The following FAM219A variants were observed in gnomAD, a reference collection of about 807,000 sequenced individuals.
The protein encoded by FAM219A is family with sequence similarity 219 member A.
FAM219A carries 7 observed loss-of-function variants against 23.4 expected under a neutral mutation model. That is an observed-to-expected ratio of 0.30 (90% CI 0.17 to 0.56). FAM219A has a LOEUF of 0.56. Ranked by LOEUF, FAM219A falls within the 20% of genes least tolerant of loss-of-function variation. The pLI is 0.92. For missense variants in FAM219A, 166 were observed against 246.9 expected (o/e 0.67, Z 2.20); for synonymous variants, 93 against 99.0 (o/e 0.94, Z 0.36).
At chr9:34,449,928 A>G (rs1823500981) in intron 1 of FAM219A, among the ~76,000 whole-genome samples, 1 of 152,198 alleles carries the variant, frequency 6.6e-6, no homozygotes, top group Non-Finnish European at 1.5e-5. Flanking sequence ...TATTCCTAAC[A>G]GAATACTATA....
chr9:34,437,986 G>A (rs140143013), intron 1 of FAM219A, among the ~76,000 whole-genome samples: 3,170 of 152,352 alleles, frequency 0.021, 93 homozygotes, highest in East Asian at 0.12. Context: ...GGAGTTCCGA[G>A]TGGGCGTGGG....
chr9:34,416,306 G>GGAAC, intron 1 of FAM219A, among the ~76,000 whole-genome samples: 1 of 116,000 alleles, frequency 8.6e-6, no homozygotes, highest in Admixed American at 8.8e-5. Flanking sequence ...AAGGAAGGAA[G>GGAAC]GAACGAAGGA....
intron 1 of FAM219A, among the ~76,000 whole-genome samples, chr9:34,422,848 C>T (rs965184086): frequency 6.6e-6 from 1 of 152,160 alleles, no homozygotes. Context: ...ATATTCTAGG[C>T]ACTGTGCTGG....
At chr9:34,411,427 C>T (rs1310914906) in intron 1 of FAM219A, among the ~76,000 whole-genome samples, 3 of 151,878 alleles carry the variant, frequency 2.0e-5, no homozygotes, top group Non-Finnish European at 2.9e-5. Context: ...CGGTGGCTCA[C>T]GCCTGTAATC....
Position 34,400,829 on chromosome 9 carries a change from TGACTGTTATAC to T in FAM219A, c.*124_*134del. 1.1e-6 allele frequency: 1 copy of T among 871,598 alleles called. No individual in the cohort carries two copies. Among genetic ancestry groups the T allele is most frequent in the South Asian group, 2.0e-5 (1 of 51,046 alleles). 54.0% of individuals were successfully genotyped at this position (871,598 alleles called of 1,614,324 possible). On this transcript the variant is annotated 3_prime_UTR_variant, in exon 6 of 6. Coordinates refer to ENST00000651358, the MANE Select transcript of FAM219A (RefSeq NM_001184940.2). ...CACGTCCTACCATAGGAGGAAGCAA[TGACTGTTATAC>T]GAGGTTGGCGGCTGTAGGGGCGCGG...
intron 1 of FAM219A, among the ~76,000 whole-genome samples, chr9:34,451,461 C>T (rs1823557484): frequency 6.6e-6 from 1 of 152,202 alleles, no homozygotes; most frequent in South Asian, 2.1e-4. Flanking sequence ...CTCTGGAGCT[C>T]CCTGAACCAG....
At chr9:34,402,201 C>T (rs764351157) in intron 4 of FAM219A, 186 bp downstream of exon 4, 16 of 1,537,108 alleles carry the variant, frequency 1.0e-5, no homozygotes, top group Non-Finnish European at 1.4e-5. Flanking sequence ...CCTCTCTCTG[C>T]CACCTCTCTT....
chr9:34,457,122 C>G lies in FAM219A; in HGVS notation c.60+1082G>C, dbSNP rs1823761891. Among the ~76,000 whole-genome samples, 3 of 152,222 alleles carry G rather than the reference C, an allele frequency of 2.0e-5. No homozygotes were observed. Among genetic ancestry groups the G allele is most frequent in the Non-Finnish European group, 4.4e-5 (3 of 68,038 alleles). ...AGCACAGCTCAGAGAAATGGGGCAT[C>G]CACACTTTCGGATTTGTAGCCCACC... On this transcript the variant is annotated intron_variant, in intron 1 of 5. Coordinates refer to ENST00000651358, the MANE Select transcript of FAM219A (RefSeq NM_001184940.2). This position sits in a 1 kb window ranked among gnomAD's most constrained non-coding sequence, Gnocchi z 5.1.
intron 1 of FAM219A, among the ~76,000 whole-genome samples, chr9:34,438,046 G>T (rs1351528386): frequency 6.6e-6 from 1 of 152,230 alleles, no homozygotes; most frequent in South Asian, 2.1e-4. Context: ...CCGGCCAGGG[G>T]CAATGAGGGG....
At position 34,398,521 on chromosome 9, in the gene FAM219A, C is replaced by T. The variant is rs1343498733; in HGVS notation, c.*2443G>A. ...CTGCCACTGCCAGCTTCCTGCCTCTCTCTGCCACACATGCACTGCCTCAGT... is the reference window on the plus strand; with the variant it reads ...CTGCCACTGCCAGCTTCCTGCCTCTTTCTGCCACACATGCACTGCCTCAGT... On this transcript the variant is annotated 3_prime_UTR_variant, in exon 6 of 6. Coordinates refer to ENST00000651358, the MANE Select transcript of FAM219A (RefSeq NM_001184940.2). 1 of 728,360 alleles carries T rather than the reference C, an allele frequency of 1.4e-6. No individual in the cohort carries two copies. The highest frequency in any genetic ancestry group is 2.3e-6 in the Non-Finnish European group (1 of 442,376). The allele number at this position is 728,360 out of a possible 1,614,324, so 45.1% of individuals were successfully genotyped here.
At chr9:34,455,909 C>A (rs1338843193) in intron 1 of FAM219A, among the ~76,000 whole-genome samples, 1 of 152,170 alleles carries the variant, frequency 6.6e-6, no homozygotes, top group Non-Finnish European at 1.5e-5. Flanking sequence ...AAAGTATTCT[C>A]AGGCCGGGCA....
intron 1 of FAM219A, among the ~76,000 whole-genome samples, chr9:34,453,515 C>T (rs1414348327): frequency 6.6e-6 from 1 of 152,200 alleles, no homozygotes; most frequent in African/African-American, 2.4e-5. Flanking sequence ...CTTCCTATAG[C>T]CATCTGAGCC....
chr9:34,408,956 T>G (rs1821736737), intron 1 of FAM219A, among the ~76,000 whole-genome samples: 1 of 152,222 alleles, frequency 6.6e-6, no homozygotes, highest in Non-Finnish European at 1.5e-5. Context: ...AATGGTAACA[T>G]GGGAGGTAGA....
At chr9:34,407,456 A>G (rs1431007603) in intron 1 of FAM219A, among the ~76,000 whole-genome samples, 2 of 152,040 alleles carry the variant, frequency 1.3e-5, no homozygotes, top group Non-Finnish European at 2.9e-5. Flanking sequence ...ACCTATCAAC[A>G]GCTTCAACAA....
intron 1 of FAM219A, among the ~76,000 whole-genome samples, chr9:34,415,725 C>G (rs1198235917): frequency 6.6e-6 from 1 of 152,088 alleles, no homozygotes; most frequent in East Asian, 1.9e-4. Context: ...TGGATAAATG[C>G]CTGGATGAGG....
intron 1 of FAM219A, among the ~76,000 whole-genome samples, chr9:34,429,480 G>A (rs72735209): frequency 0.05 from 7,575 of 152,312 alleles, 273 homozygotes; most frequent in Non-Finnish European, 0.065. Context: ...GAAGAGACCT[G>A]TAGGTAGAGG....
chr9:34,458,223 T>G lies in FAM219A; in HGVS notation c.41A>C (p.His14Pro). 1 of 1,589,992 alleles carries G rather than the reference T, an allele frequency of 6.3e-7. No homozygotes were observed. The highest frequency in any genetic ancestry group is 8.5e-7 in the Non-Finnish European group (1 of 1,172,180). The change falls in exon 1 of 6, where the codon CAC becomes CCC. Residue 14 changes from histidine to proline, a missense_variant. Physicochemically the swap from His to Pro is moderately conservative, Grantham distance 77. Transcript: ENST00000651358. This position sits in a 1 kb window ranked among gnomAD's most constrained non-coding sequence, Gnocchi z 6.6. The part of the protein sequence containing the change: ...EIDRFQVPTA[H>P]SEMQPLDPAA... Reference sequence around the variant, plus strand: ...CCTCACCAGCGGCTGCATCTCCGAGTGCGCGGTGGGCACCTGGAACCGGTC... The same window carrying G: ...CCTCACCAGCGGCTGCATCTCCGAGGGCGCGGTGGGCACCTGGAACCGGTC...
chr9:34,442,073 T>A (rs891250837), intron 1 of FAM219A, among the ~76,000 whole-genome samples: 1 of 152,224 alleles, frequency 6.6e-6, no homozygotes, highest in Non-Finnish European at 1.5e-5. Context: ...GATAAACATA[T>A]GTTATGTGCT....
chr9:34,422,648 T>C (rs943023008), intron 1 of FAM219A, among the ~76,000 whole-genome samples: 1 of 152,182 alleles, frequency 6.6e-6, no homozygotes, highest in Admixed American at 6.5e-5. Context: ...GAAGGAAATA[T>C]TGGAGCCACT....
Sources: gnomAD v4.1 joint callset for allele counts (sites outside exome capture counted in the v4.1 genomes callset) on GRCh38, gnomAD v4.1.1 for gene constraint, Gnocchi (gnomAD v3.1) non-coding constraint, MANE v1.5 for transcripts, NCBI Gene and HGNC (gene_info 2026-07-23, HGNC 2026-07-21) for gene names.